Variants in KIRREL3 observed in about 807,000 individuals in gnomAD.
KIRREL3 encodes kin of IRRE-like protein 3.
In KIRREL3, 36 loss-of-function variants were observed where a neutral mutation model predicts 89.7. The ratio of observed to expected loss-of-function variants is 0.40; its 90% confidence interval spans 0.31 to 0.53. The LOEUF is 0.53. KIRREL3 is among the 20% of genes least tolerant of loss of function. The pLI is 0.49. For missense variants in KIRREL3, 864 were observed against 1,056.6 expected (o/e 0.82, Z 2.53); for synonymous variants, 445 against 441.4 (o/e 1.01, Z -0.10).
intron 6 of KIRREL3, among the ~76,000 whole-genome samples, chr11:126,460,537 G>A (rs1033853343): frequency 2.0e-5 from 3 of 152,286 alleles, no homozygotes; most frequent in South Asian, 4.1e-4. Flanking sequence ...TGCCTTGGAC[G>A]AGGCTGGTCT....
In KIRREL3 at chr11:126,634,613, A is replaced by G. The variant is rs117461218; in HGVS notation, c.56-71701T>C. The stretch of plus-strand genomic sequence containing the variant: ...CTTGACTCTTGGGTCCTCAGGGTTT[A>G]AGGTTTGCCTTTTTTCTCAAAAAAG... On this transcript the variant is annotated intron_variant, in intron 1 of 16. Transcript: ENST00000525144. Among the ~76,000 whole-genome samples the G allele has an allele frequency of 9.0e-3, 1,377 of 152,192 alleles. 12 individuals are homozygous for G. The highest frequency in any genetic ancestry group is 0.024 in the Middle Eastern group (7 of 294).
intron 1 of KIRREL3, among the ~76,000 whole-genome samples, chr11:126,726,475 C>T (rs1038358912): frequency 6.6e-6 from 1 of 152,194 alleles, no homozygotes; most frequent in Non-Finnish European, 1.5e-5. Context: ...TCAAGCGATT[C>T]TCCTGCCTCA....
intron 1 of KIRREL3, among the ~76,000 whole-genome samples, chr11:126,600,613 G>T (rs1942609589): frequency 6.6e-6 from 1 of 152,088 alleles, no homozygotes; most frequent in Non-Finnish European, 1.5e-5. Flanking sequence ...ATCTATGGGT[G>T]GTGCAAATCC....
intron 1 of KIRREL3, among the ~76,000 whole-genome samples, chr11:126,852,706 T>A (rs1944383377): frequency 6.6e-6 from 1 of 152,212 alleles, no homozygotes; most frequent in African/African-American, 2.4e-5. Flanking sequence ...AAAACATGTG[T>A]TGTGCTTTTA....
chr11:126,510,112 T>C (rs561157002), intron 4 of KIRREL3, among the ~76,000 whole-genome samples: 30 of 151,952 alleles, frequency 2.0e-4, no homozygotes, highest in Admixed American at 1.8e-3. Context: ...TGAAATTGTC[T>C]GGGCAGAGCC....
chr11:126,582,475 T>C (rs1941602631), intron 1 of KIRREL3, among the ~76,000 whole-genome samples: 2 of 152,320 alleles, frequency 1.3e-5, no homozygotes, highest in East Asian at 1.9e-4. Flanking sequence ...TCCTCTGCTA[T>C]AGCGGAAGAA....
At chr11:126,838,159 A>AG (rs1222479627) in intron 1 of KIRREL3, among the ~76,000 whole-genome samples, 1 of 152,216 alleles carries the variant, frequency 6.6e-6, no homozygotes, top group African/African-American at 2.4e-5. Context: ...AATATAATAG[A>AG]GGTTTCTACT....
rs145148652 is a variant in KIRREL3 at position 126,993,098 on chromosome 11, AG to A, written c.55+7356del. 0.061 allele frequency among the ~76,000 whole-genome samples: 9,348 copies of A among 152,310 alleles called. 370 individuals are homozygous for A. The highest frequency in any genetic ancestry group is 0.16 in the Middle Eastern group (47 of 294). Reference sequence around the variant, plus strand: ...TATTTCCATTCAATTTTACATTTTTAGCCCCATGTGAAACACAAGAAATACC... The same window carrying A: ...TATTTCCATTCAATTTTACATTTTTACCCCATGTGAAACACAAGAAATACC... On this transcript the variant is annotated intron_variant, in intron 1 of 16. Transcript: ENST00000525144. This position sits in a 1 kb window ranked among gnomAD's most constrained non-coding sequence, Gnocchi z 6.1.
At chr11:126,425,090 A>G in intron 16 of KIRREL3, 67 bp from the exon 17 acceptor site, 1 of 1,394,014 alleles carries the variant, frequency 7.2e-7, no homozygotes, top group East Asian at 2.5e-5. Context: ...TGGGGTTTCC[A>G]GGCTGAGCCC....
chr11:126,478,794 C>T (rs1957148756), intron 4 of KIRREL3, among the ~76,000 whole-genome samples: 1 of 151,856 alleles, frequency 6.6e-6, no homozygotes, highest in Non-Finnish European at 1.5e-5. Context: ...TGTGTGCATG[C>T]ATGTGTGTGT....
chr11:126,742,855 G>T lies in KIRREL3; in HGVS notation c.56-179943C>A, dbSNP rs1363786324. On this transcript the variant is annotated intron_variant, in intron 1 of 16. Transcript: ENST00000525144. This position sits in a 1 kb window ranked among gnomAD's most constrained non-coding sequence, Gnocchi z 5.3. Reference sequence around the variant, plus strand: ...GGGCAACGTGGCTCCTCTCTGAAGAGGCAAGAAAAAGATTCTGAAGATGAT... The same window carrying T: ...GGGCAACGTGGCTCCTCTCTGAAGATGCAAGAAAAAGATTCTGAAGATGAT... Among the ~76,000 whole-genome samples, 1 of 152,174 alleles carries T rather than the reference G, an allele frequency of 6.6e-6. No homozygotes were observed. Among genetic ancestry groups the T allele is most frequent in the African/African-American group, 2.4e-5 (1 of 41,434 alleles).
At chr11:126,646,501 G>T (rs533776664) in intron 1 of KIRREL3, among the ~76,000 whole-genome samples, 1 of 130,952 alleles carries the variant, frequency 7.6e-6, no homozygotes, top group East Asian at 2.5e-4. Flanking sequence ...TTGAGACAGA[G>T]TCTCGTTCTG....
intron 1 of KIRREL3, among the ~76,000 whole-genome samples, chr11:126,956,619 G>C (rs1383439500): frequency 6.6e-6 from 1 of 152,148 alleles, no homozygotes; most frequent in Non-Finnish European, 1.5e-5. Flanking sequence ...GGTAGTCGGG[G>C]TGGATTATCA....
rs137921275 is a variant in KIRREL3, at chr11:126,912,939, C to T, written c.55+87516G>A. Among the ~76,000 whole-genome samples the T allele has an allele frequency of 3.3e-5, 5 of 152,320 alleles. No individual in the cohort carries two copies. The highest frequency in any genetic ancestry group is 1.2e-4 in the African/African-American group (5 of 41,564). On this transcript the variant is annotated intron_variant, in intron 1 of 16. Coordinates refer to ENST00000525144, the MANE Select transcript of KIRREL3 (RefSeq NM_032531.4). The surrounding 1 kb of genome is among the most constrained non-coding windows in gnomAD (Gnocchi z 4.7). ...GTGGTGACACCTGGGGTGCACCCATCAGTCTAAGTAGTCAAGAGAGGAAAT... is the reference window on the plus strand; with the variant it reads ...GTGGTGACACCTGGGGTGCACCCATTAGTCTAAGTAGTCAAGAGAGGAAAT...
chr11:126,499,359 G>C (rs908365508), intron 4 of KIRREL3, among the ~76,000 whole-genome samples: 2 of 152,018 alleles, frequency 1.3e-5, no homozygotes, highest in Non-Finnish European at 2.9e-5. Flanking sequence ...GCAAACTCCC[G>C]GTTGCCCTAC....
At chr11:127,001,316 G>A (rs1036370012), upstream of KIRREL3, among the ~76,000 whole-genome samples, 1 of 60,428 alleles carries the variant, frequency 1.7e-5, no homozygotes, top group Non-Finnish European at 3.2e-5. Context: ...GGTTGTGGTG[G>A]GGGGGGGGGG....
At chr11:126,895,450 TA>T (rs36085945) in intron 1 of KIRREL3, among the ~76,000 whole-genome samples, 22,499 of 108,098 alleles carry the variant, frequency 0.21, 2,082 homozygotes, top group East Asian at 0.42. Flanking sequence ...CACTGTCTCT[TA>T]AAAAAAAAAA....
intron 1 of KIRREL3, among the ~76,000 whole-genome samples, chr11:126,863,051 C>T (rs1323899813): frequency 6.6e-6 from 1 of 152,242 alleles, no homozygotes. Context: ...CTGGCCCACC[C>T]TTTCCTGTTC....
Position 126,565,981 on chromosome 11 carries a change from C to T in KIRREL3, c.56-3069G>A, listed in dbSNP as rs1475543491. On this transcript the variant is annotated intron_variant, in intron 1 of 16. Coordinates refer to ENST00000525144, the MANE Select transcript of KIRREL3 (RefSeq NM_032531.4). This position sits in a 1 kb window ranked among gnomAD's most constrained non-coding sequence, Gnocchi z 5.4. ...TCAGCCACCACCAGACTGTCACCTT[C>T]CTTGTCCCATAGCATGGAGATGAAT... Among the ~76,000 whole-genome samples, 1 of 152,200 alleles carries T rather than the reference C, an allele frequency of 6.6e-6. No homozygotes were observed. Among genetic ancestry groups the T allele is most frequent in the Admixed American group, 6.5e-5 (1 of 15,282 alleles).
Sources: allele counts gnomAD v4.1 joint callset (sites outside exome capture counted in the v4.1 genomes callset), GRCh38; gene constraint gnomAD v4.1.1; non-coding constraint Gnocchi (gnomAD v3.1); transcripts MANE v1.5; gene names NCBI Gene and HGNC (gene_info 2026-07-23, HGNC 2026-07-21).